The following AFAP1 variants were observed in gnomAD, a reference collection of about 807,000 sequenced individuals.
The protein encoded by AFAP1 is actin filament-associated protein 1.
In AFAP1, 75 loss-of-function variants were observed where a neutral mutation model predicts 93.9. The ratio of observed to expected loss-of-function variants is 0.80; its 90% confidence interval spans 0.66 to 0.97. The LOEUF (loss-of-function observed/expected upper bound fraction) is 0.97. Among genes scored for constraint, AFAP1 ranks in the 50% least tolerant of loss-of-function variants. The pLI is 0.00. For synonymous variants in AFAP1, 517 were observed against 430.7 expected (o/e 1.20, Z -2.48); for missense variants, 1,201 against 1,050.8 (o/e 1.14, Z -1.98).
At chr4:7,838,843 C>CAA in intron 5 of AFAP1, 140 bp from the exon 6 acceptor site, 1 of 740,832 alleles carries the variant, frequency 1.3e-6, no homozygotes, top group Non-Finnish European at 2.2e-6. Context: ...TTCACACACA[C>CAA]ACACACACAC....
At chr4:7,876,131 A>G (rs1717489149) in intron 1 of AFAP1, among the ~76,000 whole-genome samples, 1 of 152,266 alleles carries the variant, frequency 6.6e-6, no homozygotes, top group Non-Finnish European at 1.5e-5. Flanking sequence ...GCATGGAACT[A>G]TCTGAAGAGA....
chr4:7,802,056 A>AAAAAG lies in AFAP1; in HGVS notation c.1055-1404_1055-1403insCTTTT, dbSNP rs34533776. On this transcript the variant is annotated intron_variant, in intron 9 of 17. Transcript: ENST00000420658. ...TTGATAAATGCTATAAAGACAAAAA[A>AAAAAG]AGAGAGGTATGTTCAGGACCCAGAA... Among the ~76,000 whole-genome samples the AAAAAG allele has an allele frequency of 2.8e-3, 424 of 151,692 alleles. 2 individuals carry two copies. The highest frequency in any genetic ancestry group is 7.3e-3 in the African/African-American group (302 of 41,422).
chr4:7,764,058 C>T lies in AFAP1; in HGVS notation c.2419-267G>A, dbSNP rs11730169. The stretch of plus-strand genomic sequence containing the variant: ...GAGGCAGAGGAAACCCAGTGTCCAC[C>T]GATGGATAGACATGTAAAACATGGC... On this transcript the variant is annotated intron_variant, in intron 17 of 17. Coordinates refer to ENST00000420658, the MANE Select transcript of AFAP1 (RefSeq NM_001134647.2). Among the ~76,000 whole-genome samples, 31,583 of 152,180 alleles carry T rather than the reference C, an allele frequency of 0.21. 4,283 individuals carry two copies. The highest frequency in any genetic ancestry group is 0.3 in the Non-Finnish European group (20,403 of 67,980).
At chr4:7,851,510 A>G (rs938074136) in intron 4 of AFAP1, among the ~76,000 whole-genome samples, 1 of 152,224 alleles carries the variant, frequency 6.6e-6, no homozygotes, top group African/African-American at 2.4e-5. Flanking sequence ...AGACCTTCAC[A>G]AATGGGCACA....
chr4:7,771,138 C>T (rs932763657), intron 16 of AFAP1, among the ~76,000 whole-genome samples: 1 of 152,244 alleles, frequency 6.6e-6, no homozygotes, highest in African/African-American at 2.4e-5. Flanking sequence ...TTGCCTCCCT[C>T]ATGAGAAGAT....
chr4:7,861,189 A>G (rs1218844653), intron 3 of AFAP1, among the ~76,000 whole-genome samples: 2 of 152,220 alleles, frequency 1.3e-5, no homozygotes, highest in Non-Finnish European at 2.9e-5. Context: ...CAAAAAATAT[A>G]TAATTTGAAA....
Position 7,921,773 on chromosome 4 carries a change from G to C in AFAP1, c.-3+17883C>G, listed in dbSNP as rs116029941. ...CGGTTGGGAACAACCTAAATACTTAGCAATGGGGAACTGGTGGAGAACAGT... is the reference window on the plus strand; with the variant it reads ...CGGTTGGGAACAACCTAAATACTTACCAATGGGGAACTGGTGGAGAACAGT... On this transcript the variant is annotated intron_variant, in intron 1 of 17. Coordinates refer to ENST00000420658, the MANE Select transcript of AFAP1 (RefSeq NM_001134647.2). Among the ~76,000 whole-genome samples the C allele has an allele frequency of 7.8e-3, 1,191 of 152,312 alleles. 23 individuals are homozygous for C. The highest frequency in any genetic ancestry group is 0.027 in the African/African-American group (1,137 of 41,564).
intron 17 of AFAP1, 142 bp downstream of exon 17, chr4:7,768,702 C>G: frequency 9.5e-7 from 1 of 1,055,842 alleles, no homozygotes; most frequent in Non-Finnish European, 1.3e-6. Flanking sequence ...CGATAAGCAC[C>G]CATTCCCAGA....
intron 1 of AFAP1, among the ~76,000 whole-genome samples, chr4:7,878,644 C>G (rs371170844): frequency 6.6e-6 from 1 of 152,180 alleles, no homozygotes; most frequent in Non-Finnish European, 1.5e-5. Flanking sequence ...CTCCAGCTAC[C>G]GTTAAGTACT....
chr4:7,871,189 A>C (rs910540165), intron 2 of AFAP1, among the ~76,000 whole-genome samples: 1 of 152,060 alleles, frequency 6.6e-6, no homozygotes, highest in Non-Finnish European at 1.5e-5. Flanking sequence ...TGCATCAAAG[A>C]GTTAATGTAG....
intron 12 of AFAP1, among the ~76,000 whole-genome samples, chr4:7,783,766 G>A (rs756257490): frequency 6.6e-6 from 1 of 152,228 alleles, no homozygotes; most frequent in Admixed American, 6.5e-5. Context: ...TCACGTGTGT[G>A]GTTCCACAGG....
intron 1 of AFAP1, among the ~76,000 whole-genome samples, chr4:7,881,882 G>A (rs1278224699): frequency 6.6e-6 from 1 of 152,112 alleles, no homozygotes; most frequent in Non-Finnish European, 1.5e-5. Context: ...CCTTGGGTAA[G>A]TAGCCCCCCC....
chr4:7,827,393 G>C (rs367597213), intron 6 of AFAP1, among the ~76,000 whole-genome samples: 3 of 151,692 alleles, frequency 2.0e-5, no homozygotes, highest in Admixed American at 2.0e-4. Context: ...CCAACATAGA[G>C]AAACCCCGTC....
chr4:7,845,140 G>T (rs1713534342), intron 4 of AFAP1, among the ~76,000 whole-genome samples: 2 of 152,204 alleles, frequency 1.3e-5, no homozygotes, highest in Non-Finnish European at 2.9e-5. Flanking sequence ...TTGTCCAGGA[G>T]GCCAGGTGTG....
chr4:7,810,180 T>G (rs1278930171), intron 8 of AFAP1, among the ~76,000 whole-genome samples: 1 of 152,202 alleles, frequency 6.6e-6, no homozygotes, highest in Non-Finnish European at 1.5e-5. Context: ...CAACTTTTAC[T>G]TAATGAGCAC....
chr4:7,924,547 T>C (rs1720621424), intron 1 of AFAP1, among the ~76,000 whole-genome samples: 4 of 152,196 alleles, frequency 2.6e-5, no homozygotes, highest in Admixed American at 2.6e-4. Flanking sequence ...TCTGATTAAA[T>C]GTGAACGTGA....
At chr4:7,924,881 A>C (rs948519650) in intron 1 of AFAP1, among the ~76,000 whole-genome samples, 2 of 123,652 alleles carry the variant, frequency 1.6e-5, no homozygotes, top group African/African-American at 6.7e-5. Context: ...CAGCCACCCT[A>C]ATTTTGGCCC....
chr4:7,771,939 C>A (rs1010733958), intron 16 of AFAP1, among the ~76,000 whole-genome samples: 2 of 152,176 alleles, frequency 1.3e-5, no homozygotes. Context: ...CCGGTAGGGG[C>A]CAGCAAGTGA....
At chr4:7,817,331 G>A (rs910853985) in intron 7 of AFAP1, among the ~76,000 whole-genome samples, 9 of 152,128 alleles carry the variant, frequency 5.9e-5, no homozygotes, top group Admixed American at 1.3e-4. Flanking sequence ...GGACAGGTAC[G>A]GTGGCTCACA....
Sources: allele counts gnomAD v4.1 joint callset (sites outside exome capture counted in the v4.1 genomes callset), GRCh38; gene constraint gnomAD v4.1.1; transcripts MANE v1.5; gene names NCBI Gene and HGNC (gene_info 2026-07-23, HGNC 2026-07-21).